Variants in WASHC2A observed in about 807,000 individuals in gnomAD.
The protein encoded by WASHC2A is WASH complex subunit 2A.
Under a neutral mutation model 140.3 loss-of-function variants are expected in WASHC2A, and 82 were observed. That is an observed-to-expected ratio of 0.58 (90% CI 0.49 to 0.70). The LOEUF (loss-of-function observed/expected upper bound fraction) is 0.70, where lower values mean the gene tolerates loss of function less well. Ranked by LOEUF, WASHC2A falls within the 30% of genes least tolerant of loss-of-function variation. The pLI is 0.00. For missense variants in WASHC2A, 985 were observed against 1,521.8 expected, an observed-to-expected ratio of 0.65 and a Z score of 5.87; for synonymous variants, 340 against 560.8, an observed-to-expected ratio of 0.61 and a Z score of 5.56.
chr10:50,072,109 A>G (rs1837887631), intron 3 of WASHC2A, among the ~76,000 whole-genome samples: 1 of 142,684 alleles, frequency 7.0e-6, no homozygotes, highest in African/African-American at 2.6e-5. Context: ...ATGGGGTTTC[A>G]CCATGTTGGT....
At chr10:50,104,657 T>C (rs1841572216) in intron 18 of WASHC2A, among the ~76,000 whole-genome samples, 1 of 152,204 alleles carries the variant, frequency 6.6e-6, no homozygotes, top group East Asian at 1.9e-4. Context: ...ATGCCTGGCT[T>C]CTTGACACAG....
intron 4 of WASHC2A, among the ~76,000 whole-genome samples, chr10:50,079,554 G>A (rs1208731084): frequency 3.9e-5 from 6 of 152,184 alleles, no homozygotes; most frequent in South Asian, 2.1e-4. Context: ...GTGCCACCAC[G>A]CCTGGCTAAT....
intron 23 of WASHC2A, among the ~76,000 whole-genome samples, chr10:50,120,618 CAAAAA>C (rs1161708139): frequency 2.6e-5 from 1 of 37,838 alleles, no homozygotes; most frequent in Non-Finnish European, 4.8e-5. Flanking sequence ...GACTCCATCT[CAAAAA>C]AAAAAAAAAA....
At chr10:50,086,700 G>GT (rs1210384796) in intron 7 of WASHC2A, among the ~76,000 whole-genome samples, 52 of 130,888 alleles carry the variant, frequency 4.0e-4, no homozygotes, top group African/African-American at 1.5e-3. Flanking sequence ...GCGGTGTTTG[G>GT]TTTTTTGTTC....
intron 26 of WASHC2A, among the ~76,000 whole-genome samples, chr10:50,126,738 G>C (rs1430649064): frequency 6.6e-6 from 1 of 151,614 alleles, no homozygotes; most frequent in East Asian, 2.0e-4. Flanking sequence ...GCACTTGGAC[G>C]AACACATCAC....
intron 23 of WASHC2A, among the ~76,000 whole-genome samples, chr10:50,124,691 G>T (rs1304552723): frequency 3.3e-5 from 5 of 151,572 alleles, no homozygotes; most frequent in Non-Finnish European, 2.9e-5. Flanking sequence ...TGATTCAGCT[G>T]CTGTCTCTTC....
chr10:50,131,769 C>G (rs1239427792), intron 30 of WASHC2A, among the ~76,000 whole-genome samples: 2 of 152,338 alleles, frequency 1.3e-5, no homozygotes, highest in Admixed American at 6.5e-5. Flanking sequence ...CACACTGGCT[C>G]TGTGCCTCCA....
intron 10 of WASHC2A, among the ~76,000 whole-genome samples, chr10:50,091,751 C>A (rs1286160792): frequency 1.3e-5 from 2 of 152,024 alleles, no homozygotes; most frequent in East Asian, 1.9e-4. Context: ...TGTAGATAAC[C>A]CTTTACATAT....
At chr10:50,077,928 C>T (rs1838519693) in intron 3 of WASHC2A, among the ~76,000 whole-genome samples, 2 of 136,798 alleles carry the variant, frequency 1.5e-5, no homozygotes, top group South Asian at 5.2e-4. Context: ...TTGCCTCGGT[C>T]TCAGAGAGTG....
intron 13 of WASHC2A, among the ~76,000 whole-genome samples, chr10:50,094,923 C>G (rs1209858322): frequency 1.3e-5 from 2 of 151,576 alleles, no homozygotes; most frequent in African/African-American, 2.4e-5. Context: ...GGTCAGCATG[C>G]TCTTCCATTG....
intron 30 of WASHC2A, among the ~76,000 whole-genome samples, chr10:50,132,461 C>T (rs1420599150): frequency 1.4e-4 from 22 of 152,264 alleles, no homozygotes; most frequent in Non-Finnish European, 8.8e-5. Context: ...CTTTTAAAAC[C>T]CAGTATGAAA....
chr10:50,080,154 G>T (rs1165421493), intron 4 of WASHC2A, among the ~76,000 whole-genome samples: 3 of 152,198 alleles, frequency 2.0e-5, no homozygotes, highest in African/African-American at 7.2e-5. Flanking sequence ...ACCTGAGGGA[G>T]ATTCTCAGCC....
In WASHC2A at chr10:50,087,265, C is replaced by G. The variant is rs878862833; in HGVS notation, c.685-10C>G. ...CCATTTAACAACAAAGCCTTTTCTTCCCCACAAAGGAGTCAGATGAAGATT... is the reference window on the plus strand; with the variant it reads ...CCATTTAACAACAAAGCCTTTTCTTGCCCACAAAGGAGTCAGATGAAGATT... On this transcript the variant is annotated splice_polypyrimidine_tract_variant and intron_variant, in intron 7 of 30. Coordinates refer to ENST00000282633, the MANE Select transcript of WASHC2A (RefSeq NM_001005751.3). 28 of 1,613,834 alleles carry G rather than the reference C, an allele frequency of 1.7e-5. No homozygotes were observed. The highest frequency in any genetic ancestry group is 2.4e-5 in the Non-Finnish European group (28 of 1,179,860).
At chr10:50,099,645 C>T (rs1481078049) in intron 16 of WASHC2A, among the ~76,000 whole-genome samples, 1 of 137,616 alleles carries the variant, frequency 7.3e-6, no homozygotes, top group Non-Finnish European at 1.5e-5. Flanking sequence ...GAAGCCCTGA[C>T]TTTCTCCTGC....
At chr10:50,080,369 T>C (rs1311232082) in intron 4 of WASHC2A, among the ~76,000 whole-genome samples, 1 of 150,618 alleles carries the variant, frequency 6.6e-6, no homozygotes, top group African/African-American at 2.5e-5. Flanking sequence ...TCTTAACACC[T>C]AAAATTACCC....
chr10:50,069,847 A>G (rs1837637384), intron 3 of WASHC2A, 136 bp downstream of exon 3: 1 of 1,054,868 alleles, frequency 9.5e-7, no homozygotes, highest in African/African-American at 1.6e-5. Context: ...TTTCTCTGGG[A>G]TTAATACCTC....
Position 50,132,826 on chromosome 10 carries a change from A to C in WASHC2A, c.3907A>C (p.Ile1303Leu). The C allele has an allele frequency of 6.2e-7, 1 of 1,611,990 alleles. No individual in the cohort carries two copies. The highest frequency in any genetic ancestry group is 8.5e-7 in the Non-Finnish European group (1 of 1,179,860). ...DDMDDIFSSG[I>L]QAKTTKPKSR... Reference sequence around the variant, plus strand: ...TAAAGATGACATCTTCTCCTCTGGTATCCAGGCTAAGACAACCAAACCAAA... The same window carrying C: ...TAAAGATGACATCTTCTCCTCTGGTCTCCAGGCTAAGACAACCAAACCAAA... Residue 1303 changes from isoleucine to leucine, a missense_variant, in exon 31 of 31, where the codon ATC (isoleucine) becomes CTC (leucine). By Grantham distance (5) the Ile-to-Leu change is conservative (BLOSUM62 2). Coordinates refer to ENST00000282633, the MANE Select transcript of WASHC2A (RefSeq NM_001005751.3).
chr10:50,088,108 C>T (rs1277929103), intron 8 of WASHC2A, among the ~76,000 whole-genome samples: 1 of 151,874 alleles, frequency 6.6e-6, no homozygotes, highest in Non-Finnish European at 1.5e-5. Flanking sequence ...CGTGAGCCAC[C>T]ATGCCTGGCC....
At chr10:50,077,083 C>T (rs1438408862) in intron 3 of WASHC2A, among the ~76,000 whole-genome samples, 1 of 149,064 alleles carries the variant, frequency 6.7e-6, no homozygotes, top group Non-Finnish European at 1.5e-5. Context: ...CACCACTGCA[C>T]TCCAGCCTTG....
Sources: gnomAD v4.1 joint callset for allele counts (sites outside exome capture counted in the v4.1 genomes callset) on GRCh38, gnomAD v4.1.1 for gene constraint, MANE v1.5 for transcripts, NCBI Gene and HGNC (gene_info 2026-07-23, HGNC 2026-07-21) for gene names.